The following IL1RAPL2 variants were observed in gnomAD, a reference collection of about 807,000 sequenced individuals.
IL1RAPL2 encodes the protein interleukin 1 receptor accessory protein like 2.
In IL1RAPL2, 3 loss-of-function variants were observed where a neutral mutation model predicts 44.1. That is an observed-to-expected ratio of 0.07 (90% CI 0.03 to 0.18). The LOEUF (loss-of-function observed/expected upper bound fraction) is 0.18, where lower values mean the gene tolerates loss of function less well. IL1RAPL2 is among the 10% of genes least tolerant of loss of function. The probability of loss-of-function intolerance (pLI) is 1.00; values close to 1 mark genes in which losing one functional copy is unlikely to be tolerated. For synonymous variants in IL1RAPL2, 181 were observed against 178.8 expected (o/e 1.01, Z -0.10); for missense variants, 391 against 496.4 (o/e 0.79, Z 2.02).
intron 3 of IL1RAPL2, among the ~76,000 whole-genome samples, chrX:105,206,493 A>G (rs1203196143): frequency 8.9e-6 from 1 of 111,887 alleles, no homozygotes; most frequent in Admixed American, 9.5e-5. Flanking sequence ...ATCTGTTTTC[A>G]CTGTTCTTTA....
intron 2 of IL1RAPL2, among the ~76,000 whole-genome samples, chrX:105,129,294 G>C (rs768983190): frequency 3.4e-4 from 37 of 110,191 alleles, no homozygotes; most frequent in Non-Finnish European, 5.9e-4. Flanking sequence ...TATGTCAGGA[G>C]GTGAAAAAAG....
At chrX:105,499,060 GTT>G (rs1198571391) in intron 6 of IL1RAPL2, among the ~76,000 whole-genome samples, 2 of 111,343 alleles carry the variant, frequency 1.8e-5, no homozygotes, top group African/African-American at 6.5e-5. Context: ...AGGTGGAAGA[GTT>G]TGATCCTGAA....
chrX:105,020,304 G>A (rs969319990), intron 2 of IL1RAPL2, among the ~76,000 whole-genome samples: 1 of 111,312 alleles, frequency 9.0e-6, no homozygotes, highest in African/African-American at 3.3e-5. Flanking sequence ...TCTTAACCTC[G>A]TTAAAACTTA....
intron 3 of IL1RAPL2, among the ~76,000 whole-genome samples, chrX:105,232,466 C>T (rs1261007751): frequency 9.0e-6 from 1 of 111,715 alleles, no homozygotes; most frequent in Non-Finnish European, 1.9e-5. Context: ...CAGCACGTAT[C>T]CCTTGATGTT....
chrX:105,433,868 A>G (rs764388158), intron 5 of IL1RAPL2, among the ~76,000 whole-genome samples: 2 of 111,869 alleles, frequency 1.8e-5, no homozygotes, highest in South Asian at 7.4e-4. Flanking sequence ...CCATAAAAGA[A>G]AAAAAATGAT....
chrX:105,763,777 AC>A (rs1397414387), intron 10 of IL1RAPL2, among the ~76,000 whole-genome samples: 3 of 110,730 alleles, frequency 2.7e-5, no homozygotes, highest in African/African-American at 9.9e-5. Flanking sequence ...CTGCTTTCAA[AC>A]ATTGAGGTTG....
chrX:104,674,007 G>A lies in IL1RAPL2; in HGVS notation c.82+15012G>A, dbSNP rs750947438. ...CTTAAGGAGATTTTGGGCTGAGACA[G>A]TGGGGTTTTCTAGATATACAATCAT... is the stretch of plus-strand genomic sequence containing the variant. On this transcript the variant is annotated intron_variant, in intron 2 of 10. Coordinates refer to ENST00000372582, the MANE Select transcript of IL1RAPL2 (RefSeq NM_017416.2). Among the ~76,000 whole-genome samples, 453 of 111,348 alleles carry A rather than the reference G, an allele frequency of 4.1e-3. 2 individuals carry two copies. The highest frequency in any genetic ancestry group is 7.3e-3 in the South Asian group (19 of 2,619).
intron 6 of IL1RAPL2, among the ~76,000 whole-genome samples, chrX:105,611,132 T>A (rs1036950555): frequency 8.9e-6 from 1 of 111,756 alleles, no homozygotes; most frequent in Non-Finnish European, 1.9e-5. Context: ...ACTAAAAATT[T>A]GAAAACAGAA....
At chrX:105,673,293 G>A (rs2037840302) in intron 6 of IL1RAPL2, among the ~76,000 whole-genome samples, 1 of 110,876 alleles carries the variant, frequency 9.0e-6, no homozygotes, top group Admixed American at 9.7e-5. Flanking sequence ...GCATGCATTA[G>A]CTATTTGTCC....
At chrX:105,119,279 A>AT (rs2147571004) in intron 2 of IL1RAPL2, among the ~76,000 whole-genome samples, 1 of 111,489 alleles carries the variant, frequency 9.0e-6, no homozygotes, top group East Asian at 2.8e-4. Context: ...ATTGCAAAAA[A>AT]CAGGAATCTT....
chrX:104,669,264 G>A (rs1031112067), intron 2 of IL1RAPL2, among the ~76,000 whole-genome samples: 6 of 111,463 alleles, frequency 5.4e-5, no homozygotes, highest in Non-Finnish European at 9.4e-5. Flanking sequence ...CTGATACACT[G>A]AAACACTACT....
chrX:105,035,499 G>T (rs1249070379), intron 2 of IL1RAPL2, among the ~76,000 whole-genome samples: 3 of 112,166 alleles, frequency 2.7e-5, no homozygotes, highest in Admixed American at 1.9e-4. Context: ...AATACTGTAA[G>T]CCAGAGTCTA....
chrX:105,016,439 T>C (rs536742263), intron 2 of IL1RAPL2, among the ~76,000 whole-genome samples: 2 of 111,663 alleles, frequency 1.8e-5, no homozygotes, highest in East Asian at 2.9e-4. Flanking sequence ...AGTATGACAT[T>C]GCCTGTGGGT....
intron 5 of IL1RAPL2, among the ~76,000 whole-genome samples, chrX:105,443,635 A>T (rs2035935571): frequency 8.9e-6 from 1 of 112,160 alleles, no homozygotes; most frequent in Non-Finnish European, 1.9e-5. Context: ...ATTTGACTTA[A>T]CATAATGATC....
chrX:105,448,262 TGA>T (rs918440531), intron 5 of IL1RAPL2, among the ~76,000 whole-genome samples: 2 of 110,331 alleles, frequency 1.8e-5, no homozygotes. Context: ...TTCTTGTACT[TGA>T]ATGCTGATAT....
intron 5 of IL1RAPL2, among the ~76,000 whole-genome samples, chrX:105,385,240 T>A (rs1207414530): frequency 4.5e-5 from 5 of 111,233 alleles, no homozygotes; most frequent in African/African-American, 1.6e-4. Context: ...TAGTTAGCTG[T>A]GGGTTTGTTG....
chrX:104,778,606 G>A (rs899086632), intron 2 of IL1RAPL2, among the ~76,000 whole-genome samples: 1 of 105,904 alleles, frequency 9.4e-6, no homozygotes, highest in Non-Finnish European at 1.9e-5. Flanking sequence ...ATTGTGAACA[G>A]TAGTGCTATG....
intron 2 of IL1RAPL2, among the ~76,000 whole-genome samples, chrX:104,832,276 A>AT: frequency 9.0e-6 from 1 of 111,674 alleles, no homozygotes; most frequent in Non-Finnish European, 1.9e-5. Context: ...TTTTTATTTT[A>AT]TTTTTTGATA....
At chrX:105,318,823 T>A (rs1157424836) in intron 5 of IL1RAPL2, among the ~76,000 whole-genome samples, 1 of 111,744 alleles carries the variant, frequency 8.9e-6, no homozygotes, top group Non-Finnish European at 1.9e-5. Context: ...GCATTTGCTT[T>A]CCAAAGTGCT....
Sources: gnomAD v4.1 joint callset for allele counts (sites outside exome capture counted in the v4.1 genomes callset) on GRCh38, gnomAD v4.1.1 for gene constraint, MANE v1.5 for transcripts, NCBI Gene and HGNC (gene_info 2026-07-23, HGNC 2026-07-21) for gene names.